The following DSE variants were observed in gnomAD, a reference collection of about 807,000 sequenced individuals.
The protein encoded by DSE is dermatan sulfate epimerase.
DSE carries 36 observed loss-of-function variants against 84.4 expected under a neutral mutation model. That is an observed-to-expected ratio of 0.43 (90% confidence interval 0.33 to 0.56). DSE has a LOEUF of 0.56. Among genes scored for constraint, DSE ranks in the 20% least tolerant of loss-of-function variants. DSE has a pLI of 0.06. For synonymous variants in DSE, 410 were observed against 430.1 expected, an observed-to-expected ratio of 0.95 and a Z score of 0.58; for missense variants, 862 against 1,169.6, an observed-to-expected ratio of 0.74 and a Z score of 3.84.
At chr6:116,320,026 A>G (rs1562227537) in intron 2 of DSE, among the ~76,000 whole-genome samples, 1 of 152,202 alleles carries the variant, frequency 6.6e-6, no homozygotes, top group Non-Finnish European at 1.5e-5. Flanking sequence ...CTCAGGATAT[A>G]AGCTGTGTCT....
intron 2 of DSE, among the ~76,000 whole-genome samples, chr6:116,354,113 C>T (rs1263053182): frequency 2.0e-5 from 3 of 151,990 alleles, no homozygotes; most frequent in Non-Finnish European, 4.4e-5. Context: ...TAGTCTTTCT[C>T]TTAAAGAAAA....
intron 1 of DSE, among the ~76,000 whole-genome samples, chr6:116,377,838 C>T (rs1167564092): frequency 1.3e-5 from 2 of 152,116 alleles, no homozygotes; most frequent in Non-Finnish European, 2.9e-5. Context: ...AACTTTTATT[C>T]TTGAAGCTGT....
chr6:116,323,122 T>C (rs949896134), intron 2 of DSE, among the ~76,000 whole-genome samples: 2 of 152,208 alleles, frequency 1.3e-5, no homozygotes, highest in African/African-American at 4.8e-5. Flanking sequence ...TTGTTAATGT[T>C]ATTCTTTAAG....
chr6:116,435,905 C>T lies in DSE; in HGVS notation c.1437C>T (p.Phe479=), dbSNP rs757356537. Residue 479 remains phenylalanine (F), a synonymous_variant, in exon 6 of 6, where the codon TTC becomes TTT. Coordinates refer to ENST00000644252, the MANE Select transcript of DSE (RefSeq NM_013352.4). ...TEALYGPKYT[F]FNNVLMFSPA... is the part of the protein sequence containing the mutation. The stretch of plus-strand genomic sequence containing the variant: ...CTCTGTACGGGCCAAAGTACACCTT[C>T]TTCAACAATGTTTTGATGTTTTCCC... The T allele has an allele frequency of 2.2e-5, 35 of 1,614,050 alleles. No individual in the cohort carries two copies. Among genetic ancestry groups the T allele is most frequent in the Non-Finnish European group, 3.0e-5 (35 of 1,180,034 alleles).
intron 1 of DSE, among the ~76,000 whole-genome samples, chr6:116,377,470 G>T (rs1779995962): frequency 6.6e-6 from 1 of 151,628 alleles, no homozygotes; most frequent in Non-Finnish European, 1.5e-5. Flanking sequence ...TGTTGTGTAA[G>T]TTTTTTTTTG....
intron 2 of DSE, among the ~76,000 whole-genome samples, chr6:116,263,456 G>A (rs909923740): frequency 2.0e-5 from 3 of 151,768 alleles, no homozygotes; most frequent in Admixed American, 2.0e-4. Flanking sequence ...CATTTGCTTG[G>A]TGAATTTTCT....
upstream of DSE, among the ~76,000 whole-genome samples, chr6:116,365,814 G>A (rs920889177): frequency 3.9e-5 from 6 of 152,264 alleles, no homozygotes; most frequent in African/African-American, 9.6e-5. Flanking sequence ...ATACTGCCAC[G>A]ACAATCCTTA....
intron 1 of DSE, among the ~76,000 whole-genome samples, chr6:116,385,365 G>C (rs1222520077): frequency 6.6e-6 from 1 of 152,186 alleles, no homozygotes; most frequent in African/African-American, 2.4e-5. Context: ...TCTTAGGGAG[G>C]TAAGAGTGAA....
At chr6:116,352,916 C>T (rs12055375) in intron 2 of DSE, among the ~76,000 whole-genome samples, 6 of 152,130 alleles carry the variant, frequency 3.9e-5, no homozygotes, top group Non-Finnish European at 8.8e-5. Flanking sequence ...CTTCCCCCCT[C>T]CTCCTTCCTC....
intron 2 of DSE, among the ~76,000 whole-genome samples, chr6:116,274,047 C>A (rs1375800951): frequency 6.6e-6 from 1 of 151,512 alleles, no homozygotes; most frequent in Non-Finnish European, 1.5e-5. Context: ...CCAGGCTGGT[C>A]TCGAACTCCT....
At chr6:116,299,394 C>T (rs939879082) in intron 2 of DSE, among the ~76,000 whole-genome samples, 3 of 151,306 alleles carry the variant, frequency 2.0e-5, no homozygotes, top group Non-Finnish European at 4.4e-5. Context: ...TAGAAGTTAT[C>T]TATAATTAAT....
intron 1 of DSE, among the ~76,000 whole-genome samples, chr6:116,378,342 T>A (rs564495762): frequency 1.3e-5 from 2 of 152,344 alleles, no homozygotes; most frequent in African/African-American, 4.8e-5. Flanking sequence ...ATTTATGACT[T>A]CTGCTTATTT....
intron 2 of DSE, among the ~76,000 whole-genome samples, chr6:116,305,159 A>G (rs563879425): frequency 8.3e-4 from 126 of 151,468 alleles, no homozygotes; most frequent in African/African-American, 2.8e-3. Context: ...CTTTTTGCAC[A>G]TAACCTGCGC....
Position 116,327,535 on chromosome 6 carries a change from C to G in DSE, c.-54+68568C>G, listed in dbSNP as rs181063867. ...GGAGGATGGATTTTCTTGTCAAGATCTTGGGCAAATGATATGCTGAAAGAA... is the reference window on the plus strand; with the variant it reads ...GGAGGATGGATTTTCTTGTCAAGATGTTGGGCAAATGATATGCTGAAAGAA... On this transcript the variant is annotated intron_variant, in intron 2 of 3. Transcript: ENST00000430252. Among the ~76,000 whole-genome samples the G allele has an allele frequency of 1.9e-3, 282 of 152,236 alleles. 4 individuals carry two copies. The highest frequency in any genetic ancestry group is 6.5e-3 in the African/African-American group (268 of 41,544).
chr6:116,268,686 TATGC>T (rs1426520152), intron 2 of DSE, among the ~76,000 whole-genome samples: 1 of 152,052 alleles, frequency 6.6e-6, no homozygotes, highest in Non-Finnish European at 1.5e-5. Context: ...TAGAGGGAGG[TATGC>T]ATATACATTG....
chr6:116,259,769 C>T (rs1772326332), intron 2 of DSE, among the ~76,000 whole-genome samples: 1 of 152,166 alleles, frequency 6.6e-6, no homozygotes, highest in African/African-American at 2.4e-5. Context: ...CTTTAGTTTG[C>T]TAAAGATAAT....
intron 2 of DSE, among the ~76,000 whole-genome samples, chr6:116,332,075 G>A (rs1177206090): frequency 6.6e-6 from 1 of 152,128 alleles, no homozygotes; most frequent in Non-Finnish European, 1.5e-5. Context: ...CAGCAACCTT[G>A]TTAAACTCAA....
chr6:116,319,054 C>T (rs1776151190), intron 2 of DSE, among the ~76,000 whole-genome samples: 1 of 152,190 alleles, frequency 6.6e-6, no homozygotes, highest in African/African-American at 2.4e-5. Context: ...TCTCTAAACT[C>T]TCTTCAGTTC....
upstream of DSE, chr6:116,366,481 C>T (rs952183573): frequency 6.6e-6 from 1 of 152,146 alleles, no homozygotes; most frequent in Non-Finnish European, 1.5e-5. Context: ...AAAGAATAAA[C>T]ATCTAATTTC....
Sources: gnomAD v4.1 joint callset for allele counts (sites outside exome capture counted in the v4.1 genomes callset) on GRCh38, gnomAD v4.1.1 for gene constraint, MANE v1.5 for transcripts, NCBI Gene and HGNC (gene_info 2026-07-23, HGNC 2026-07-21) for gene names.